Variants in GRHL2 observed in about 807,000 individuals in gnomAD.
GRHL2 encodes grainyhead like transcription factor 2, also known as grainyhead-like protein 2 homolog.
GRHL2 carries 21 observed loss-of-function variants against 83.8 expected under a neutral mutation model. The ratio of observed to expected loss-of-function variants is 0.25; its 90% CI spans 0.18 to 0.36. GRHL2 has a LOEUF of 0.36. Ranked by LOEUF, GRHL2 falls within the 10% of genes least tolerant of loss-of-function variation. GRHL2 has a pLI of 1.00. For missense variants in GRHL2, 623 were observed against 781.8 expected, an observed-to-expected ratio of 0.80 and a Z score of 2.42; for synonymous variants, 280 against 278.9, an observed-to-expected ratio of 1.00 and a Z score of -0.04.
Position 101,669,654 on chromosome 8 carries a change from TATAA to T in GRHL2, c.*2955_*2958del, listed in dbSNP as rs1309243429. On this transcript the variant is annotated 3_prime_UTR_variant, in exon 16 of 16. Coordinates refer to ENST00000646743, the MANE Select transcript of GRHL2 (RefSeq NM_024915.4). ...AATGGGAGAGGGGGAATCTATAAAC[TATAA>T]ATACAGTTATTTTATTTTTTGTACA... The T allele has an allele frequency of 2.0e-5, 3 of 152,108 alleles. No individual in the cohort carries two copies. Among genetic ancestry groups the T allele is most frequent in the East Asian group, 1.9e-4 (1 of 5,180 alleles). The allele number at this position is 152,108 out of a possible 1,614,324, so 9.4% of individuals were successfully genotyped here. A position where few individuals can be genotyped will look rare whatever the true frequency, so the allele number is the denominator to read the frequency against.
At chr8:101,532,201 C>T (rs557097596) in intron 1 of GRHL2, among the ~76,000 whole-genome samples, 1 of 152,318 alleles carries the variant, frequency 6.6e-6, no homozygotes, top group Admixed American at 6.5e-5. Context: ...GTGACATTAA[C>T]CCTGGGTAGG....
At chr8:101,637,050 A>AG (rs1247823058) in intron 12 of GRHL2, 122 bp downstream of exon 12, 1 of 885,338 alleles carries the variant, frequency 1.1e-6, no homozygotes, top group Non-Finnish European at 1.9e-6. Flanking sequence ...CAGGACTCAG[A>AG]GCTGAGAGAC....
chr8:101,495,992 C>CA (rs1356423803), intron 1 of GRHL2, among the ~76,000 whole-genome samples: 1 of 151,796 alleles, frequency 6.6e-6, no homozygotes, highest in Non-Finnish European at 1.5e-5. Flanking sequence ...ACTAAATATA[C>CA]AAAAAATTAG....
chr8:101,603,555 G>A (rs767540910), intron 8 of GRHL2, among the ~76,000 whole-genome samples: 6 of 152,144 alleles, frequency 3.9e-5, no homozygotes, highest in Non-Finnish European at 8.8e-5. Flanking sequence ...AAAACGTTTG[G>A]CCAGGGAAGG....
intron 7 of GRHL2, among the ~76,000 whole-genome samples, chr8:101,578,111 C>T (rs1210612113): frequency 6.6e-6 from 1 of 152,134 alleles, no homozygotes; most frequent in African/African-American, 2.4e-5. Flanking sequence ...GCACATCACT[C>T]GGGGTCCAGT....
At chr8:101,597,986 C>T (rs1453878487) in intron 7 of GRHL2, among the ~76,000 whole-genome samples, 1 of 151,998 alleles carries the variant, frequency 6.6e-6, no homozygotes, top group Non-Finnish European at 1.5e-5. Flanking sequence ...AAGTATATCC[C>T]AAATATTTGC....
intron 11 of GRHL2, among the ~76,000 whole-genome samples, chr8:101,632,867 C>A (rs1409515046): frequency 6.6e-6 from 1 of 151,930 alleles, no homozygotes; most frequent in Non-Finnish European, 1.5e-5. Flanking sequence ...GTAGGCAAGC[C>A]CCCTTAAAAA....
At chr8:101,497,335 C>G (rs1229941627) in intron 1 of GRHL2, among the ~76,000 whole-genome samples, 1 of 152,196 alleles carries the variant, frequency 6.6e-6, no homozygotes, top group Non-Finnish European at 1.5e-5. Flanking sequence ...AAAATTTGCC[C>G]TTGCTGCCTT....
At chr8:101,671,526 G>A (rs1814209661), downstream of GRHL2, among the ~76,000 whole-genome samples, 1 of 152,200 alleles carries the variant, frequency 6.6e-6, no homozygotes, top group Non-Finnish European at 1.5e-5. Flanking sequence ...GGCAAACAAA[G>A]CAGCTGGGAA....
chr8:101,492,898 CTTTT>C (rs1809994790), intron 1 of GRHL2, 109 bp downstream of exon 1: 5 of 1,038,736 alleles, frequency 4.8e-6, no homozygotes, highest in Admixed American at 1.8e-5. Context: ...ATTTTTCTTT[CTTTT>C]TTCTTTTTCT....
the GRHL2 span, among the ~76,000 whole-genome samples, chr8:101,678,546 G>A: frequency 0.26 from 39,913 of 151,754 alleles, 5,695 homozygotes; most frequent in African/African-American, 0.35. Flanking sequence ...GGTAAACAAA[G>A]CAGCCGGGAA....
rs774477960 is a variant in GRHL2, at chr8:101,558,472, G to C, written c.338G>C (p.Arg113Pro). 1.2e-6 allele frequency: 2 copies of C among 1,614,166 alleles called. No homozygotes were observed. Among genetic ancestry groups the C allele is most frequent in the East Asian group, 4.5e-5 (2 of 44,880 alleles). ...AQSNLSGGEN[R>P]VQVLKTVPVN... The stretch of plus-strand genomic sequence containing the variant: ...AGTAATTTGAGTGGAGGAGAAAACC[G>C]AGTGCAAGTCCTAAAGACTGTTCCA... The change falls in exon 4 of 16, where the codon CGA becomes CCA. Residue 113 changes from arginine to proline, a missense_variant. By Grantham distance (103) the Arg-to-Pro change is moderately radical. Around this residue, in one of 8 missense-constraint regions of GRHL2, gnomAD observed 239 missense variants for 240.5 expected, o/e 0.99. Coordinates refer to ENST00000646743, the MANE Select transcript of GRHL2 (RefSeq NM_024915.4).
chr8:101,572,743 T>A (rs930199929), intron 5 of GRHL2, among the ~76,000 whole-genome samples: 5 of 152,256 alleles, frequency 3.3e-5, no homozygotes, highest in African/African-American at 1.2e-4. Context: ...TTGTGTTATT[T>A]TAAATAATTG....
At chr8:101,565,269 T>G (rs1175089902) in intron 4 of GRHL2, among the ~76,000 whole-genome samples, 1 of 151,816 alleles carries the variant, frequency 6.6e-6, no homozygotes, top group African/African-American at 2.4e-5. Context: ...TAAGAAACAT[T>G]TAAAAATTAA....
At chr8:101,576,640 G>T (rs1402427176) in intron 6 of GRHL2, among the ~76,000 whole-genome samples, 1 of 152,136 alleles carries the variant, frequency 6.6e-6, no homozygotes, top group Non-Finnish European at 1.5e-5. Context: ...GTAATTAAAG[G>T]GTTTTTTTTT....
chr8:101,506,899 G>A (rs1276455904), intron 1 of GRHL2, among the ~76,000 whole-genome samples: 1 of 149,664 alleles, frequency 6.7e-6, no homozygotes, highest in East Asian at 1.9e-4. Context: ...TTTTTATTTT[G>A]TAATTTGTAT....
At chr8:101,561,847 A>G (rs1187105982) in intron 4 of GRHL2, among the ~76,000 whole-genome samples, 4 of 152,252 alleles carry the variant, frequency 2.6e-5, no homozygotes, top group African/African-American at 7.2e-5. Context: ...TAACATCTGT[A>G]ATATCTGATG....
In GRHL2 at chr8:101,543,251, C is replaced by G. The variant is rs1190914843; in HGVS notation, c.31C>G (p.Leu11Val). MSQESDNNKR[L>V]VALVPMPSDP... ...CTCTTGTTTTTACAGTAATAAAAGA[C>G]TAGTGGCCTTAGTGCCCATGCCCAG... Residue 11 changes from leucine (L) to valine (V), a missense_variant, in exon 2 of 16, where the codon CTA becomes GTA. Leu to Val is a conservative substitution (Grantham distance 32). Transcript: ENST00000646743. 1 of 1,613,728 alleles carries G rather than the reference C, an allele frequency of 6.2e-7. No individual in the cohort carries two copies. The highest frequency in any genetic ancestry group is 1.3e-5 in the African/African-American group (1 of 75,030).
intron 2 of GRHL2, among the ~76,000 whole-genome samples, chr8:101,551,799 G>A (rs1276987040): frequency 2.0e-5 from 3 of 149,904 alleles, no homozygotes; most frequent in East Asian, 2.0e-4. Context: ...CTTTCAATGA[G>A]CACTTTTTCA....
Sources: gnomAD v4.1 joint callset for allele counts (sites outside exome capture counted in the v4.1 genomes callset) on GRCh38, gnomAD v4.1.1 for gene constraint, gnomAD v4.1.1 regional missense constraint, MANE v1.5 for transcripts, NCBI Gene and HGNC (gene_info 2026-07-23, HGNC 2026-07-21) for gene names.